The following WWOX variants were observed in gnomAD, a reference collection of about 807,000 sequenced individuals.
WWOX encodes WW domain containing oxidoreductase, also known as WW domain-containing oxidoreductase.
Under a neutral mutation model 46.2 loss-of-function variants are expected in WWOX, and 69 were observed. The observed-to-expected ratio is 1.49, with a 90% confidence interval of 1.23 to 1.82. WWOX has a LOEUF of 1.82. Among genes scored for constraint, WWOX ranks in the 40% most tolerant of loss-of-function variants. WWOX has a pLI of 0.00. For synonymous variants in WWOX, 359 were observed against 202.6 expected (o/e 1.77, Z -6.56); for missense variants, 919 against 542.6 (o/e 1.69, Z -6.89).
In WWOX at chr16:78,802,943, CAACAAA is replaced by C. The variant is rs2050933246; in HGVS notation, c.1056+370192_1056+370197del. ...AAAAAAAAAAAAAAAAAAAAAAAAA[CAACAAA>C]CAGAAAAATGAACGAGTGAGTGGCA... On this transcript the variant is annotated intron_variant, in intron 8 of 8. Coordinates refer to ENST00000566780, the MANE Select transcript of WWOX (RefSeq NM_016373.4). Among the ~76,000 whole-genome samples the C allele has an allele frequency of 7.3e-5, 3 of 40,842 alleles. 1 individual carries two copies. Among genetic ancestry groups the C allele is most frequent in the Non-Finnish European group, 1.3e-4 (3 of 22,286 alleles). 26.8% of individuals were successfully genotyped at this position (40,842 alleles called of 152,430 possible).
intron 8 of WWOX, among the ~76,000 whole-genome samples, chr16:79,196,053 C>A (rs760368185): frequency 2.6e-5 from 4 of 152,116 alleles, no homozygotes; most frequent in Non-Finnish European, 4.4e-5. Context: ...TCAGTAGGAA[C>A]CTGTTTGCAT....
At chr16:78,112,642 A>G (rs1444547346) in intron 3 of WWOX, among the ~76,000 whole-genome samples, 3 of 150,260 alleles carry the variant, frequency 2.0e-5, no homozygotes, top group Non-Finnish European at 4.4e-5. Context: ...AAGGGTATCA[A>G]CGCATTGGTT....
chr16:78,977,213 C>T (rs149816404), intron 8 of WWOX, among the ~76,000 whole-genome samples: 177 of 152,326 alleles, frequency 1.2e-3, no homozygotes, highest in African/African-American at 4.0e-3. Flanking sequence ...AAGACTTCTT[C>T]AGACAGGAGA....
chr16:78,140,529 C>G (rs1344177786), intron 4 of WWOX, among the ~76,000 whole-genome samples: 1 of 152,020 alleles, frequency 6.6e-6, no homozygotes, highest in Non-Finnish European at 1.5e-5. Context: ...CCTTCCTTGC[C>G]TCTTTCAGCT....
rs11289222 is a variant in WWOX at position 78,333,043 on chromosome 16, C to CTTTTTTTTTTTTTTTTTTTTTTTTTT, written c.517-53793_517-53792insTTTTTTTTTTTTTTTTTTTTTTTTTT. Among the ~76,000 whole-genome samples, 26 of 57,122 alleles carry CTTTTTTTTTTTTTTTTTTTTTTTTTT rather than the reference C, an allele frequency of 4.6e-4. 7 individuals are homozygous for CTTTTTTTTTTTTTTTTTTTTTTTTTT. The highest frequency in any genetic ancestry group is 6.1e-4 in the Non-Finnish European group (16 of 26,260). The allele number at this position is 57,122 out of a possible 152,430, so 37.5% of individuals were successfully genotyped here. A position where few individuals can be genotyped will look rare whatever the true frequency, so the allele number is the denominator to read the frequency against. On this transcript the variant is annotated intron_variant, in intron 5 of 8. Coordinates refer to ENST00000566780, the MANE Select transcript of WWOX (RefSeq NM_016373.4). ...CTGAGTAGCATGGAAGAGCATTATA[C>CTTTTTTTTTTTTTTTTTTTTTTTTTT]TTTTTTTTTTTTTTTTTTTTTTTTG...
At chr16:78,486,922 C>T (rs1389068878) in intron 8 of WWOX, among the ~76,000 whole-genome samples, 1 of 152,164 alleles carries the variant, frequency 6.6e-6, no homozygotes, top group African/African-American at 2.4e-5. Context: ...AGTTGATGAT[C>T]TATTCCTAAT....
At chr16:78,649,232 G>A (rs564053625) in intron 8 of WWOX, among the ~76,000 whole-genome samples, 4 of 152,252 alleles carry the variant, frequency 2.6e-5, no homozygotes, top group East Asian at 1.9e-4. Flanking sequence ...TGATCCAACC[G>A]CCTCGGACTT....
chr16:78,885,664 GTAAA>G (rs889876072), intron 8 of WWOX, among the ~76,000 whole-genome samples: 21 of 152,116 alleles, frequency 1.4e-4, no homozygotes, highest in African/African-American at 5.1e-4. Context: ...GAGAATTTAT[GTAAA>G]TAGTTTTTGC....
intron 5 of WWOX, among the ~76,000 whole-genome samples, chr16:78,178,845 C>A (rs1252862650): frequency 7.0e-6 from 1 of 143,162 alleles, no homozygotes. Context: ...GCCTGGGCGA[C>A]AGAGCGAGAT....
At chr16:78,925,269 T>A (rs552830974) in intron 8 of WWOX, among the ~76,000 whole-genome samples, 1 of 152,220 alleles carries the variant, frequency 6.6e-6, no homozygotes, top group African/African-American at 2.4e-5. Flanking sequence ...TGATCATTGC[T>A]GCCACTGGGT....
intron 8 of WWOX, among the ~76,000 whole-genome samples, chr16:78,686,297 G>T (rs2047856672): frequency 6.6e-6 from 1 of 151,904 alleles, no homozygotes; most frequent in African/African-American, 2.4e-5. Flanking sequence ...GGATCACGAG[G>T]TCAGGAGATC....
chr16:78,369,053 T>C (rs1237042513), intron 5 of WWOX, among the ~76,000 whole-genome samples: 2 of 150,742 alleles, frequency 1.3e-5, no homozygotes, highest in Non-Finnish European at 3.0e-5. Context: ...TCTATCCTTT[T>C]TCTTTCCCTT....
At chr16:78,579,243 A>C (rs916804497) in intron 8 of WWOX, among the ~76,000 whole-genome samples, 1 of 152,156 alleles carries the variant, frequency 6.6e-6, no homozygotes, top group Admixed American at 6.5e-5. Flanking sequence ...CTTTGTTATT[A>C]CGTCACAGTT....
chr16:78,368,438 T>G (rs2081590737), intron 5 of WWOX, among the ~76,000 whole-genome samples: 1 of 152,180 alleles, frequency 6.6e-6, no homozygotes, highest in African/African-American at 2.4e-5. Context: ...CCTTTGGTTT[T>G]CCTGATGTAC....
At chr16:78,391,649 A>T (rs992839839) in intron 6 of WWOX, among the ~76,000 whole-genome samples, 2 of 152,134 alleles carry the variant, frequency 1.3e-5, no homozygotes, top group South Asian at 2.1e-4. Flanking sequence ...GGAGTTTGAG[A>T]ACAGCCTGGC....
chr16:78,532,308 G>A (rs2043642007), intron 8 of WWOX, among the ~76,000 whole-genome samples: 1 of 152,142 alleles, frequency 6.6e-6, no homozygotes, highest in African/African-American at 2.4e-5. Context: ...GGCAACAGAT[G>A]ACTTCGGTTC....
At chr16:78,953,727 C>A (rs1003567454) in intron 8 of WWOX, among the ~76,000 whole-genome samples, 1 of 152,156 alleles carries the variant, frequency 6.6e-6, no homozygotes, top group African/African-American at 2.4e-5. Flanking sequence ...TAAACTCTTT[C>A]CTGGAATGCC....
chr16:79,080,721 A>C (rs1466432631), intron 8 of WWOX, among the ~76,000 whole-genome samples: 3 of 152,140 alleles, frequency 2.0e-5, no homozygotes, highest in Admixed American at 2.0e-4. Flanking sequence ...AATCCCAGCC[A>C]CTTGGGAGGC....
At chr16:78,963,161 C>G (rs2151314427) in intron 8 of WWOX, among the ~76,000 whole-genome samples, 1 of 152,290 alleles carries the variant, frequency 6.6e-6, no homozygotes, top group South Asian at 2.1e-4. Flanking sequence ...ATCAGTCTAT[C>G]TTGATTCATT....
Sources: allele counts gnomAD v4.1 joint callset (sites outside exome capture counted in the v4.1 genomes callset), GRCh38; gene constraint gnomAD v4.1.1; transcripts MANE v1.5; gene names NCBI Gene and HGNC (gene_info 2026-07-23, HGNC 2026-07-21).